Variants in BCL2 observed in about 807,000 individuals in gnomAD.
The protein encoded by BCL2 is BCL2 apoptosis regulator, also known as apoptosis regulator Bcl-2.
A neutral mutation model predicts 14.2 loss-of-function variants in BCL2; 1 was observed. The observed-to-expected ratio is 0.07, with a 90% CI of 0.02 to 0.33. The LOEUF (loss-of-function observed/expected upper bound fraction) is 0.33, where lower values mean the gene tolerates loss of function less well. BCL2 is among the 10% of genes least tolerant of loss of function. BCL2 has a pLI of 0.99. For synonymous variants in BCL2, 151 were observed against 137.2 expected (o/e 1.10, Z -0.70); for missense variants, 247 against 305.9 (o/e 0.81, Z 1.44).
chr18:63,166,257 A>G (rs1915041696), intron 2 of BCL2, among the ~76,000 whole-genome samples: 1 of 152,214 alleles, frequency 6.6e-6, no homozygotes, highest in Non-Finnish European at 1.5e-5. Context: ...GGGGAGAAGG[A>G]TCCGCTGTGG....
chr18:63,283,115 C>T (rs1010636204), intron 2 of BCL2, among the ~76,000 whole-genome samples: 22 of 152,168 alleles, frequency 1.4e-4, no homozygotes, highest in African/African-American at 5.1e-4. Flanking sequence ...CCTATTTCCC[C>T]TCTTTTGAAA....
Position 63,225,024 on chromosome 18 carries a change from T to C in BCL2, c.585+93058A>G, listed in dbSNP as rs1910505342. Among the ~76,000 whole-genome samples, 2 of 150,846 alleles carry C rather than the reference T, an allele frequency of 1.3e-5. 1 individual carries two copies. The highest frequency in any genetic ancestry group is 4.2e-4 in the South Asian group (2 of 4,756). Reference sequence around the variant, plus strand: ...AGTCTAGCTAGAAGGAAAATGTAGGTCTCCAGCAGAGATATCACCAAGAAA... The same window carrying C: ...AGTCTAGCTAGAAGGAAAATGTAGGCCTCCAGCAGAGATATCACCAAGAAA... On this transcript the variant is annotated intron_variant, in intron 2 of 2. Coordinates refer to ENST00000333681, the MANE Select transcript of BCL2 (RefSeq NM_000633.3).
rs765856143 is a variant in BCL2, at chr18:63,124,108, AT to A, written c.*4516del. ...TTTCTTTGCATCCAGTGAGATGCAT[AT>A]TTCATGATTGTCCAAGGTCATGGTT... On this transcript the variant is annotated 3_prime_UTR_variant, in exon 3 of 3. Transcript: ENST00000333681. The A allele has an allele frequency of 4.5e-6, 1 of 221,710 alleles. No individual in the cohort carries two copies. The highest frequency in any genetic ancestry group is 9.0e-6 in the Non-Finnish European group (1 of 110,800). 13.7% of individuals were successfully genotyped at this position (221,710 alleles called of 1,614,324 possible). A position where few individuals can be genotyped will look rare whatever the true frequency, so the allele number is the denominator to read the frequency against.
intron 2 of BCL2, among the ~76,000 whole-genome samples, chr18:63,294,576 A>G (rs1037441976): frequency 2.6e-5 from 4 of 152,124 alleles, no homozygotes; most frequent in African/African-American, 9.7e-5. Context: ...AGGCTGAGGC[A>G]GGAGAATCAC....
At chr18:63,199,240 CACAG>C (rs201132785) in intron 2 of BCL2, among the ~76,000 whole-genome samples, 4,724 of 150,148 alleles carry the variant, frequency 0.031, 178 homozygotes, top group East Asian at 0.11. Flanking sequence ...AACACATGCA[CACAG>C]AAACACACAG....
rs375217502 is a variant in BCL2 at position 63,128,608 on chromosome 18, G to T, written c.*17C>A. On this transcript the variant is annotated 3_prime_UTR_variant, in exon 3 of 3. Coordinates refer to ENST00000333681, the MANE Select transcript of BCL2 (RefSeq NM_000633.3). ...AGTGAACCTTTTGCATATTTGTTTG[G>T]GGCAGGCATGTTGACTTCACTTGTG... The T allele has an allele frequency of 1.3e-6, 1 of 779,312 alleles. No individual in the cohort carries two copies. The highest frequency in any genetic ancestry group is 2.4e-6 in the Non-Finnish European group (1 of 417,290). 48.3% of individuals were successfully genotyped at this position (779,312 alleles called of 1,614,324 possible).
intron 2 of BCL2, among the ~76,000 whole-genome samples, chr18:63,145,642 T>C (rs923853226): frequency 2.0e-5 from 3 of 152,254 alleles, no homozygotes; most frequent in African/African-American, 7.2e-5. Context: ...TAATGTTCGA[T>C]GTGTTACTGG....
At chr18:63,176,258 C>A (rs1402433986) in intron 2 of BCL2, among the ~76,000 whole-genome samples, 1 of 152,232 alleles carries the variant, frequency 6.6e-6, no homozygotes, top group Non-Finnish European at 1.5e-5. Flanking sequence ...CCTAACCTAA[C>A]AAATTGGTCT....
intron 2 of BCL2, among the ~76,000 whole-genome samples, chr18:63,161,383 G>T (rs1177182181): frequency 1.3e-5 from 2 of 152,338 alleles, no homozygotes; most frequent in African/African-American, 2.4e-5. Context: ...TGTCACTGAT[G>T]CTTTCTTTTT....
At chr18:63,140,974 C>G (rs1330833948) in intron 2 of BCL2, among the ~76,000 whole-genome samples, 3 of 152,140 alleles carry the variant, frequency 2.0e-5, no homozygotes, top group African/African-American at 7.2e-5. Context: ...GCACCACTGT[C>G]ATTCTCCAAA....
chr18:63,282,303 C>A (rs993954556), intron 2 of BCL2, among the ~76,000 whole-genome samples: 2 of 152,164 alleles, frequency 1.3e-5, no homozygotes, highest in African/African-American at 4.8e-5. Flanking sequence ...CTTCAAACTG[C>A]GATTCCAATC....
intron 2 of BCL2, among the ~76,000 whole-genome samples, chr18:63,251,161 G>A (rs1160792002): frequency 6.7e-6 from 1 of 149,028 alleles, no homozygotes; most frequent in South Asian, 2.2e-4. Flanking sequence ...GCTATGGAAC[G>A]GAATAGGGGC....
chr18:63,180,666 C>T (rs1332821723), intron 2 of BCL2, among the ~76,000 whole-genome samples: 45 of 152,214 alleles, frequency 3.0e-4, no homozygotes, highest in Non-Finnish European at 2.9e-5. Context: ...GGAACTGAAG[C>T]TGCATTGTAG....
chr18:63,234,440 G>C (rs372014033), intron 2 of BCL2, among the ~76,000 whole-genome samples: 1 of 152,076 alleles, frequency 6.6e-6, no homozygotes, highest in African/African-American at 2.4e-5. Flanking sequence ...TTATGGCTGC[G>C]TAGTATTCCA....
chr18:63,159,008 G>C (rs1486141457), intron 2 of BCL2, among the ~76,000 whole-genome samples: 8 of 152,210 alleles, frequency 5.3e-5, no homozygotes, highest in African/African-American at 1.9e-4. Context: ...AGTCTGACTA[G>C]AGGCAGGGCT....
At chr18:63,317,901 G>A (rs1913546259) in intron 2 of BCL2, 181 bp downstream of exon 2, 2 of 1,426,858 alleles carry the variant, frequency 1.4e-6, no homozygotes, top group South Asian at 3.1e-5. Context: ...AGGCGTTATC[G>A]GTCAGGTTGG....
intron 2 of BCL2, among the ~76,000 whole-genome samples, chr18:63,186,551 A>G (rs1411095305): frequency 6.6e-6 from 1 of 152,206 alleles, no homozygotes; most frequent in Non-Finnish European, 1.5e-5. Flanking sequence ...CTTATGGCTG[A>G]CCTTGAACCA....
At chr18:63,142,668 C>G (rs890519135) in intron 2 of BCL2, among the ~76,000 whole-genome samples, 1 of 152,206 alleles carries the variant, frequency 6.6e-6, no homozygotes, top group African/African-American at 2.4e-5. Flanking sequence ...GGCTTCTTAT[C>G]CACACCATCA....
At chr18:63,294,275 T>G (rs11877270) in intron 2 of BCL2, among the ~76,000 whole-genome samples, 1 of 152,156 alleles carries the variant, frequency 6.6e-6, no homozygotes, top group Non-Finnish European at 1.5e-5. Context: ...TGAGGGAATG[T>G]GCTCCTGGGA....
Sources: allele counts gnomAD v4.1 joint callset (sites outside exome capture counted in the v4.1 genomes callset), GRCh38; gene constraint gnomAD v4.1.1; transcripts MANE v1.5; gene names NCBI Gene and HGNC (gene_info 2026-07-23, HGNC 2026-07-21).